The following HIVEP2 variants were observed in gnomAD, a reference collection of about 807,000 sequenced individuals.
The protein encoded by HIVEP2 is transcription factor HIVEP2.
Under a neutral mutation model 180.7 loss-of-function variants are expected in HIVEP2, and 14 were observed. The ratio of observed to expected loss-of-function variants is 0.08; its 90% CI spans 0.05 to 0.12. HIVEP2 has a LOEUF of 0.12. Ranked by LOEUF, HIVEP2 falls within the 10% of genes least tolerant of loss-of-function variation. HIVEP2 has a pLI of 1.00. For synonymous variants in HIVEP2, 1,184 were observed against 1,136.4 expected (o/e 1.04, Z -0.84); for missense variants, 2,579 against 3,008.5 (o/e 0.86, Z 3.34).
chr6:142,818,150 G>A (rs1009551952), intron 2 of HIVEP2, among the ~76,000 whole-genome samples: 2 of 152,134 alleles, frequency 1.3e-5, no homozygotes, highest in Non-Finnish European at 2.9e-5. Flanking sequence ...TGAATCTGAG[G>A]CAGGACAACT....
At position 142,920,799 on chromosome 6, in the gene HIVEP2, T is replaced by A. The variant is rs903031543; in HGVS notation, c.-641+24300A>T. ...GAGTTCCAGATCAGCCTAAGCAACA[T>A]AGGGAGAACCCATTTCTACAAAAAA... On this transcript the variant is annotated intron_variant, in intron 1 of 9. Transcript: ENST00000367603. 3.9e-5 allele frequency among the ~76,000 whole-genome samples: 6 copies of A among 152,036 alleles called. No individual in the cohort carries two copies. The Middle Eastern group carries it at 0.01, about 259-fold the overall frequency.
intron 2 of HIVEP2, among the ~76,000 whole-genome samples, chr6:142,832,806 G>A (rs1358719869): frequency 6.6e-6 from 1 of 152,192 alleles, no homozygotes; most frequent in Non-Finnish European, 1.5e-5. Flanking sequence ...AAGTGATTGG[G>A]TAAACTTAAC....
chr6:142,938,610 G>C (rs1778107778), intron 1 of HIVEP2, among the ~76,000 whole-genome samples: 1 of 152,182 alleles, frequency 6.6e-6, no homozygotes, highest in Non-Finnish European at 1.5e-5. Context: ...ATTTGTATAT[G>C]TGTGTATGCA....
chr6:142,770,373 G>C lies in HIVEP2; in HGVS notation c.4366C>G (p.Gln1456Glu). The C allele has an allele frequency of 1.2e-6, 2 of 1,614,118 alleles. No individual in the cohort carries two copies. Among genetic ancestry groups the C allele is most frequent in the Non-Finnish European group, 1.7e-6 (2 of 1,180,036 alleles). The stretch of plus-strand genomic sequence containing the variant: ...TTTTCTTCTTTGACCCTTTTCTGCT[G>C]CTTGGTTTCCATGAAGAGCTCCAAG... ...SSLELFMETKQQKRVKEEKMY... is the reference protein window; with the variant it reads ...SSLELFMETKEQKRVKEEKMY... The change falls in exon 5 of 10, where the codon CAG (glutamine) becomes GAG (glutamate). Residue 1456 changes from glutamine to glutamate, a missense_variant. Gln to Glu is a conservative substitution (Grantham distance 29, BLOSUM62 2). Coordinates refer to ENST00000367603, the MANE Select transcript of HIVEP2 (RefSeq NM_006734.4). The surrounding 1 kb of genome is among the most constrained non-coding windows in gnomAD (Gnocchi z 4.7).
intron 1 of HIVEP2, among the ~76,000 whole-genome samples, chr6:142,933,186 A>G (rs1777980853): frequency 6.6e-6 from 1 of 152,248 alleles, no homozygotes; most frequent in South Asian, 2.1e-4. Flanking sequence ...AAAGAACCTC[A>G]GAATTTCATT....
At chr6:142,776,565 CTGG>C (rs1273077063) in intron 3 of HIVEP2, among the ~76,000 whole-genome samples, 1 of 149,532 alleles carries the variant, frequency 6.7e-6, no homozygotes, top group Non-Finnish European at 1.5e-5. Context: ...GAGTCTCACT[CTGG>C]TGCCCAGGCT....
chr6:142,864,683 T>C (rs1776091150), intron 1 of HIVEP2, among the ~76,000 whole-genome samples: 1 of 152,200 alleles, frequency 6.6e-6, no homozygotes, highest in African/African-American at 2.4e-5. Context: ...TGCCTTTCTT[T>C]TTAAGGATTG....
At chr6:142,867,684 C>CA (rs960550875) in intron 1 of HIVEP2, among the ~76,000 whole-genome samples, 2 of 151,984 alleles carry the variant, frequency 1.3e-5, no homozygotes, top group African/African-American at 4.8e-5. Flanking sequence ...CTGAGCCAAT[C>CA]AAAAAAACAG....
intron 2 of HIVEP2, among the ~76,000 whole-genome samples, chr6:142,834,592 C>G (rs1271683266): frequency 6.6e-6 from 1 of 151,940 alleles, no homozygotes. Flanking sequence ...TGAATAATGT[C>G]AAGACCAGTC....
rs750006889 is a variant in HIVEP2 at position 142,772,435 on chromosome 6, T to A, written c.2304A>T (p.Gly768=). ...ACTCCTCTGACACAAGAGATGGACT[T>A]CCAGGCTGCAGTTGGGGCCGACATG... is the stretch of plus-strand genomic sequence containing the variant. The part of the protein sequence containing the change: ...FDPCRPQLQP[G]SPSLVSEESP... Residue 768 remains glycine (G), a synonymous_variant, in exon 5 of 10, where the codon GGA becomes GGT. Coordinates refer to ENST00000367603, the MANE Select transcript of HIVEP2 (RefSeq NM_006734.4). This position sits in a 1 kb window ranked among gnomAD's most constrained non-coding sequence, Gnocchi z 4.9. 3 of 1,614,206 alleles carry A rather than the reference T, an allele frequency of 1.9e-6. No individual in the cohort carries two copies. The South Asian group carries it at 3.3e-5, about 18-fold the overall frequency.
At chr6:142,830,067 T>C (rs1365279374) in intron 2 of HIVEP2, among the ~76,000 whole-genome samples, 3 of 152,154 alleles carry the variant, frequency 2.0e-5, no homozygotes, top group African/African-American at 7.2e-5. Context: ...TGGATGGGGA[T>C]GGGAAAGATT....
intron 1 of HIVEP2, among the ~76,000 whole-genome samples, chr6:142,900,155 T>A (rs570064166): frequency 4.6e-5 from 7 of 152,168 alleles, no homozygotes; most frequent in Admixed American, 6.5e-5. Flanking sequence ...AGAGCAAAAA[T>A]AAACGTTTTT....
intron 1 of HIVEP2, among the ~76,000 whole-genome samples, chr6:142,890,808 A>G (rs1334360644): frequency 6.6e-6 from 1 of 152,218 alleles, no homozygotes; most frequent in Non-Finnish European, 1.5e-5. Context: ...ACAGAAAATA[A>G]TGTCCCATAA....
chr6:142,878,657 TC>T lies in HIVEP2; in HGVS notation c.-640-41611del, dbSNP rs556965893. ...AGTGTTTTCTGTGCCTCCCCAGATG[TC>T]CTGGCAGGAGACAGGCTTTTCCCAA... On this transcript the variant is annotated intron_variant, in intron 1 of 9. Transcript: ENST00000367603. 2.0e-4 allele frequency among the ~76,000 whole-genome samples: 31 copies of T among 152,240 alleles called. No individual in the cohort carries two copies. In the South Asian group the frequency reaches 4.1e-3, roughly 20 times the overall value.
intron 1 of HIVEP2, among the ~76,000 whole-genome samples, chr6:142,859,677 T>C (rs1582919398): frequency 1.3e-5 from 2 of 149,658 alleles, no homozygotes; most frequent in Admixed American, 6.6e-5. Flanking sequence ...CTACTAAAAG[T>C]AAAAAAATTA....
chr6:142,760,601 T>C lies in HIVEP2; in HGVS notation c.5687A>G (p.Gln1896Arg). ...HSMSSISTDH[Q>R]FSDAEESDGE... The stretch of plus-strand genomic sequence containing the variant: ...ATCTGATTCCTCAGCATCGGAGAAC[T>C]GATGATCAGTTGAAATGCTGGACAT... Residue 1896 changes from glutamine (Q) to arginine (R), a missense_variant, in exon 9 of 10, where the codon CAG becomes CGG. Physicochemically the swap from Gln to Arg is conservative, Grantham distance 43. Transcript: ENST00000367603. The C allele has an allele frequency of 6.2e-7, 1 of 1,613,632 alleles. No homozygotes were observed. Among genetic ancestry groups the C allele is most frequent in the Non-Finnish European group, 8.5e-7 (1 of 1,179,574 alleles).
intron 1 of HIVEP2, among the ~76,000 whole-genome samples, chr6:142,936,824 GA>G (rs1487123661): frequency 1.7e-4 from 25 of 151,234 alleles, no homozygotes; most frequent in East Asian, 1.2e-3. Context: ...TGAAGGCAAG[GA>G]ATTTTTTTTT....
chr6:142,876,881 CAA>C (rs1491402553), intron 1 of HIVEP2, among the ~76,000 whole-genome samples: 2 of 134,180 alleles, frequency 1.5e-5, no homozygotes, highest in African/African-American at 2.8e-5. Flanking sequence ...CACACACACA[CAA>C]ACACAAAATG....
At chr6:142,781,447 A>G (rs1371384306) in intron 3 of HIVEP2, among the ~76,000 whole-genome samples, 3 of 152,212 alleles carry the variant, frequency 2.0e-5, no homozygotes, top group Admixed American at 6.5e-5. Flanking sequence ...GTGCTATGAA[A>G]GGAGTAAGAT....
Sources: gnomAD v4.1 joint callset for allele counts (sites outside exome capture counted in the v4.1 genomes callset) on GRCh38, gnomAD v4.1.1 for gene constraint, Gnocchi (gnomAD v3.1) non-coding constraint, MANE v1.5 for transcripts, NCBI Gene and HGNC (gene_info 2026-07-23, HGNC 2026-07-21) for gene names.